The following EFNB2 variants were observed in gnomAD, a reference collection of about 807,000 sequenced individuals.
EFNB2 encodes ephrin-B2.
EFNB2 carries 5 observed loss-of-function variants against 32.1 expected under a neutral mutation model. That is an observed-to-expected ratio of 0.16 (90% CI 0.08 to 0.33). EFNB2 has a LOEUF of 0.33. Ranked by LOEUF, EFNB2 falls within the 10% of genes least tolerant of loss-of-function variation. The probability of loss-of-function intolerance (pLI) is 1.00; values close to 1 mark genes in which losing one functional copy is unlikely to be tolerated. For missense variants in EFNB2, 263 were observed against 422.6 expected (o/e 0.62, Z 3.31); for synonymous variants, 168 against 166.5 (o/e 1.01, Z -0.07).
intron 2 of EFNB2, among the ~76,000 whole-genome samples, chr13:106,501,526 A>G (rs1337687339): frequency 6.6e-6 from 1 of 152,228 alleles, no homozygotes; most frequent in Non-Finnish European, 1.5e-5. Flanking sequence ...ATCTTAGAGC[A>G]AGTTTTATGG....
rs577427360 is a variant in EFNB2 at position 106,510,121 on chromosome 13, G to A, written c.406+2408C>T. On this transcript the variant is annotated intron_variant, in intron 2 of 4. Transcript: ENST00000646441. ...ACCATATGCTTTTGCATGGTAAATC[G>A]TAACTCTAAGGAGAGCTCTGATGGC... The A allele has an allele frequency of 3.3e-5, 5 of 152,258 alleles. No individual in the cohort carries two copies. In the South Asian group the frequency reaches 1.0e-3, roughly 32 times the overall value. 9.4% of individuals were successfully genotyped at this position (152,258 alleles called of 1,614,324 possible).
intron 2 of EFNB2, among the ~76,000 whole-genome samples, chr13:106,509,631 G>GTGTGTA (rs1879069796): frequency 6.0e-5 from 1 of 16,538 alleles, no homozygotes; most frequent in African/African-American, 3.7e-4. Context: ...GCTTGACTGT[G>GTGTGTA]TGTGTGTGTG....
At chr13:106,523,824 G>A (rs550463150) in intron 1 of EFNB2, among the ~76,000 whole-genome samples, 3 of 152,080 alleles carry the variant, frequency 2.0e-5, no homozygotes, top group African/African-American at 4.8e-5. Context: ...AAGCTGGCAC[G>A]GATCCCAAAA....
At chr13:106,510,189 G>A (rs776175204) in intron 2 of EFNB2, 1 of 152,184 alleles carries the variant, frequency 6.6e-6, no homozygotes, top group Non-Finnish European at 1.5e-5. Flanking sequence ...AGTGTGGTAT[G>A]AAGAGTTTCC....
chr13:106,500,855 A>T (rs946920357), intron 2 of EFNB2, among the ~76,000 whole-genome samples: 4 of 152,220 alleles, frequency 2.6e-5, no homozygotes, highest in Admixed American at 1.3e-4. Flanking sequence ...GAATTAAAAA[A>T]AGCATAATCC....
In EFNB2 at chr13:106,492,454, T is replaced by G. The variant is rs1419360475; in HGVS notation, c.*586A>C. The stretch of plus-strand genomic sequence containing the variant: ...GTTGCCAGCGGCTGGAGGAGGGGAC[T>G]CCAGACATGAGTGTTCCATGAGTGA... On this transcript the variant is annotated 3_prime_UTR_variant, in exon 5 of 5. Transcript: ENST00000646441. This position sits in a 1 kb window ranked among gnomAD's most constrained non-coding sequence, Gnocchi z 5.1. 2 of 152,860 alleles carry G rather than the reference T, an allele frequency of 1.3e-5. No individual in the cohort carries two copies. The highest frequency in any genetic ancestry group is 6.5e-5 in the Admixed American group (1 of 15,332). The allele number at this position is 152,860 out of a possible 1,614,324, so 9.5% of individuals were successfully genotyped here.
At chr13:106,514,235 AACAG>A in intron 1 of EFNB2, among the ~76,000 whole-genome samples, 1 of 152,294 alleles carries the variant, frequency 6.6e-6, no homozygotes, top group African/African-American at 2.4e-5. Flanking sequence ...CTTTCTGTGA[AACAG>A]AACTCAAAAC....
intron 2 of EFNB2, among the ~76,000 whole-genome samples, chr13:106,499,247 C>T (rs1878694165): frequency 6.7e-6 from 1 of 150,044 alleles, no homozygotes; most frequent in African/African-American, 2.5e-5. Flanking sequence ...GTTCCAAACC[C>T]CCCTCCTTGA....
rs1283343621 is a variant in EFNB2, at chr13:106,535,436, C to T, written c.-472G>A. On this transcript the variant is annotated 5_prime_UTR_variant, in exon 1 of 5. Transcript: ENST00000646441. ...CGAGCGCGCGGGCGCCGCGTCGGCG[C>T]GGTTCCATGTCCCGGAGCACGGAGC... is the stretch of plus-strand genomic sequence containing the variant. 1 of 150,138 alleles carries T rather than the reference C, an allele frequency of 6.7e-6. No homozygotes were observed. The highest frequency in any genetic ancestry group is 6.6e-5 in the Admixed American group (1 of 15,072). The allele number at this position is 150,138 out of a possible 1,614,324, so 9.3% of individuals were successfully genotyped here.
intron 1 of EFNB2, among the ~76,000 whole-genome samples, chr13:106,531,288 G>A (rs1350106134): frequency 1.3e-5 from 2 of 152,148 alleles, no homozygotes; most frequent in African/African-American, 2.4e-5. Flanking sequence ...GTGAGGTATC[G>A]CTTTAGCTTA....
chr13:106,514,794 G>C (rs1244878223), intron 1 of EFNB2, among the ~76,000 whole-genome samples: 1 of 152,150 alleles, frequency 6.6e-6, no homozygotes, highest in Non-Finnish European at 1.5e-5. Context: ...ATTAGGGGAA[G>C]TATTCCTAAA....
intron 2 of EFNB2, among the ~76,000 whole-genome samples, chr13:106,504,162 A>G (rs1169632384): frequency 1.3e-5 from 2 of 152,214 alleles, no homozygotes; most frequent in Non-Finnish European, 2.9e-5. Context: ...AAAGGGTCAG[A>G]GTAAAAAGTT....
At position 106,493,726 on chromosome 13, in the gene EFNB2, G is replaced by T. The variant is rs534346965; in HGVS notation, c.614-298C>A. Among the ~76,000 whole-genome samples, 3 of 152,294 alleles carry T rather than the reference G, an allele frequency of 2.0e-5. No individual in the cohort carries two copies. In the South Asian group the frequency reaches 6.2e-4, roughly 32 times the overall value. On this transcript the variant is annotated intron_variant, in intron 4 of 4. Coordinates refer to ENST00000646441, the MANE Select transcript of EFNB2 (RefSeq NM_004093.4). This position sits in a 1 kb window ranked among gnomAD's most constrained non-coding sequence, Gnocchi z 6.1. Reference sequence around the variant, plus strand: ...GATCTTGCTTCATCTTCTAACCCGTGTCAGCCAGCCTGGGGCAGCGGCAGG... The same window carrying T: ...GATCTTGCTTCATCTTCTAACCCGTTTCAGCCAGCCTGGGGCAGCGGCAGG...
intron 2 of EFNB2, among the ~76,000 whole-genome samples, chr13:106,510,621 A>G (rs1879113033): frequency 6.6e-6 from 1 of 151,020 alleles, no homozygotes; most frequent in South Asian, 2.1e-4. Context: ...CACCCCACCT[A>G]GGGGCATTAA....
At chr13:106,523,527 A>G (rs1195060710) in intron 1 of EFNB2, among the ~76,000 whole-genome samples, 3 of 152,200 alleles carry the variant, frequency 2.0e-5, no homozygotes, top group Non-Finnish European at 4.4e-5. Context: ...AAAGGCATGA[A>G]GATTTGGTTG....
chr13:106,511,274 C>G (rs1437886613), intron 2 of EFNB2, among the ~76,000 whole-genome samples: 2 of 152,072 alleles, frequency 1.3e-5, no homozygotes, highest in Non-Finnish European at 2.9e-5. Context: ...GTAAGCTACT[C>G]TATGTATCAA....
intron 1 of EFNB2, among the ~76,000 whole-genome samples, chr13:106,527,263 AATAATT>A (rs1361648943): frequency 6.6e-6 from 1 of 151,786 alleles, no homozygotes; most frequent in Non-Finnish European, 1.5e-5. Flanking sequence ...AATATAAATA[AATAATT>A]ATAATAATAC....
chr13:106,529,824 A>G (rs536433366), intron 1 of EFNB2, among the ~76,000 whole-genome samples: 1 of 152,350 alleles, frequency 6.6e-6, no homozygotes, highest in East Asian at 1.9e-4. Flanking sequence ...CTATACTTCA[A>G]TCAAAAGGGA....
chr13:106,524,769 G>T (rs1879643841), intron 1 of EFNB2, among the ~76,000 whole-genome samples: 1 of 152,182 alleles, frequency 6.6e-6, no homozygotes, highest in Non-Finnish European at 1.5e-5. Flanking sequence ...CAGTTGCACA[G>T]CTGAATGAGA....
Sources: gnomAD v4.1 joint callset for allele counts (sites outside exome capture counted in the v4.1 genomes callset) on GRCh38, gnomAD v4.1.1 for gene constraint, Gnocchi (gnomAD v3.1) non-coding constraint, MANE v1.5 for transcripts, NCBI Gene and HGNC (gene_info 2026-07-23, HGNC 2026-07-21) for gene names.